Variants in IFT122 observed in about 807,000 individuals in gnomAD.
IFT122 encodes the protein intraflagellar transport protein 122 homolog.
Under a neutral mutation model 161.6 loss-of-function variants are expected in IFT122, and 118 were observed. The observed-to-expected ratio is 0.73, with a 90% CI of 0.63 to 0.85. The LOEUF (loss-of-function observed/expected upper bound fraction) is 0.85, where lower values mean the gene tolerates loss of function less well. Among genes scored for constraint, IFT122 ranks in the 40% least tolerant of loss-of-function variants. The pLI is 0.00. For synonymous variants in IFT122, 550 were observed against 602.4 expected (o/e 0.91, Z 1.27); for missense variants, 1,381 against 1,579.6 (o/e 0.87, Z 2.13).
chr3:129,497,596 G>A (rs2081029678), intron 18 of IFT122, among the ~76,000 whole-genome samples: 1 of 152,108 alleles, frequency 6.6e-6, no homozygotes, highest in African/African-American at 2.4e-5. Context: ...GACTTCGTGT[G>A]CCCACAGCCT....
In IFT122 at chr3:129,482,439, A is replaced by C. The variant is rs551420020; in HGVS notation, c.1653+745A>C. Among the ~76,000 whole-genome samples the C allele has an allele frequency of 2.0e-5, 3 of 152,184 alleles. No individual in the cohort carries two copies. In the South Asian group the frequency reaches 6.2e-4, roughly 32 times the overall value. On this transcript the variant is annotated intron_variant, in intron 14 of 29. Transcript: ENST00000348417. ...CCCCCCAAAGCTGGAGCCCCTCCTG[A>C]CTGGTTTCCTCGGCCACTGCAGGGT... is the stretch of plus-strand genomic sequence containing the variant.
intron 8 of IFT122, among the ~76,000 whole-genome samples, chr3:129,467,372 G>A (rs993973264): frequency 3.3e-5 from 5 of 152,116 alleles, no homozygotes; most frequent in African/African-American, 1.2e-4. Context: ...GTCTTTTCGT[G>A]TGTTCATATA....
intron 19 of IFT122, 90 bp downstream of exon 19, chr3:129,500,158 T>A (rs1265340985): frequency 6.9e-7 from 1 of 1,441,018 alleles, no homozygotes; most frequent in East Asian, 2.3e-5. Context: ...AGTGCTTTTC[T>A]AATTATCTAA....
At chr3:129,502,671 A>AC in intron 19 of IFT122, 40 bp from the exon 20 acceptor site, 1 of 1,600,440 alleles carries the variant, frequency 6.2e-7, no homozygotes, top group Non-Finnish European at 8.5e-7. Flanking sequence ...CGTTGACAAG[A>AC]CCCAGAGCCC....
chr3:129,483,772 T>C (rs2078946259), intron 15 of IFT122, 90 bp downstream of exon 15: 2 of 1,258,640 alleles, frequency 1.6e-6, no homozygotes, highest in Non-Finnish European at 2.3e-6. Flanking sequence ...GGGGAGAGAG[T>C]AGCAAGGAGA....
At chr3:129,489,313 G>A (rs1462839259) in intron 16 of IFT122, among the ~76,000 whole-genome samples, 1 of 152,192 alleles carries the variant, frequency 6.6e-6, no homozygotes, top group Non-Finnish European at 1.5e-5. Context: ...CCTCAGGCCA[G>A]CCACTTTCCT....
intron 1 of IFT122, among the ~76,000 whole-genome samples, chr3:129,446,973 C>G (rs902538516): frequency 1.3e-5 from 2 of 152,164 alleles, no homozygotes; most frequent in African/African-American, 4.8e-5. Flanking sequence ...CTATAGTCAC[C>G]TGAACCAATG....
Position 129,466,987 on chromosome 3 carries a change from G to A in IFT122, c.661G>A (p.Ala221Thr). The stretch of plus-strand genomic sequence containing the variant: ...GGAAATCCCTTCCACTCTGAAGTCA[G>A]CAGTGTACAGTAGTCAGGGTAGTGA... ...IQEIPSTLKS[A>T]VYSSQGSEAE... The change falls in exon 8 of 30, where the codon GCA (alanine) becomes ACA (threonine). Residue 221 changes from alanine to threonine, a missense_variant. Ala to Thr is a moderately conservative substitution (Grantham distance 58). This residue lies in a region of IFT122 where 544 missense variants were observed against 648.0 expected (regional missense o/e 0.84). Coordinates refer to ENST00000348417, the MANE Select transcript of IFT122 (RefSeq NM_052989.3). The A allele has an allele frequency of 6.2e-7, 1 of 1,614,176 alleles. No homozygotes were observed. Among genetic ancestry groups the A allele is most frequent in the Non-Finnish European group, 8.5e-7 (1 of 1,179,980 alleles).
intron 16 of IFT122, among the ~76,000 whole-genome samples, chr3:129,490,232 A>C (rs2079899987): frequency 6.6e-6 from 1 of 152,178 alleles, no homozygotes; most frequent in African/African-American, 2.4e-5. Context: ...TGTTTTGAAA[A>C]AGCCACATGA....
At chr3:129,508,429 C>T (rs749394736) in intron 23 of IFT122, among the ~76,000 whole-genome samples, 1 of 152,194 alleles carries the variant, frequency 6.6e-6, no homozygotes, top group Non-Finnish European at 1.5e-5. Context: ...AAGTCATTTC[C>T]TCCTTTCAAC....
chr3:129,456,013 T>G lies in IFT122; in HGVS notation c.194-2586T>G, dbSNP rs561204396. 1.7e-3 allele frequency: 708 copies of G among 405,458 alleles called. 7 individuals are homozygous for G. Among genetic ancestry groups the G allele is most frequent in the Middle Eastern group, 5.3e-3 (7 of 1,320 alleles). 25.1% of individuals were successfully genotyped at this position (405,458 alleles called of 1,614,324 possible). A position where few individuals can be genotyped will look rare whatever the true frequency, so the allele number is the denominator to read the frequency against. The stretch of plus-strand genomic sequence containing the variant: ...TGGACTCATGTAGTTAAAACTCATG[T>G]TGTTCAGGGGTCAACTGTATGTACA... On this transcript the variant is annotated intron_variant, in intron 3 of 29. Coordinates refer to ENST00000348417, the MANE Select transcript of IFT122 (RefSeq NM_052989.3).
chr3:129,458,428 T>G (rs897938113), intron 3 of IFT122, among the ~76,000 whole-genome samples, 171 bp from the exon 4 acceptor site: 2 of 152,176 alleles, frequency 1.3e-5, no homozygotes, highest in Admixed American at 1.3e-4. Flanking sequence ...CAAAGCAGGT[T>G]TGGAACCCAA....
At chr3:129,453,902 C>G (rs552430033) in intron 3 of IFT122, among the ~76,000 whole-genome samples, 79 of 152,264 alleles carry the variant, frequency 5.2e-4, no homozygotes, top group African/African-American at 1.9e-3. Flanking sequence ...CAACCCAACA[C>G]CAGAGTTCTG....
chr3:129,502,291 T>A (rs943728925), intron 19 of IFT122, among the ~76,000 whole-genome samples: 1 of 152,162 alleles, frequency 6.6e-6, no homozygotes, highest in Non-Finnish European at 1.5e-5. Flanking sequence ...CTGGGCCCAG[T>A]CTTGGGCTGG....
chr3:129,460,691 G>A (rs1381584143), intron 4 of IFT122, among the ~76,000 whole-genome samples: 1 of 152,128 alleles, frequency 6.6e-6, no homozygotes, highest in Non-Finnish European at 1.5e-5. Context: ...CTATGAACAT[G>A]GGTGTACAAA....
intron 9 of IFT122, among the ~76,000 whole-genome samples, chr3:129,470,143 A>G (rs1018904646): frequency 6.6e-6 from 1 of 152,216 alleles, no homozygotes; most frequent in African/African-American, 2.4e-5. Context: ...ATGAAAATAT[A>G]TGACAGTTCA....
intron 1 of IFT122, among the ~76,000 whole-genome samples, chr3:129,447,062 C>G (rs910134835): frequency 6.6e-6 from 1 of 152,314 alleles, no homozygotes; most frequent in African/African-American, 2.4e-5. Flanking sequence ...TCTCCATGTT[C>G]TAGCAACATC....
rs150862636 is a variant in IFT122, at chr3:129,509,479, G to T, written c.2886+1717G>T. On this transcript the variant is annotated intron_variant, in intron 23 of 29. Coordinates refer to ENST00000348417, the MANE Select transcript of IFT122 (RefSeq NM_052989.3). ...ACTGTATGTTTGTTAGCAGTTCCTG[G>T]GCCAAATGCGTTGTCGATGTTACGA... Among the ~76,000 whole-genome samples the T allele has an allele frequency of 6.4e-4, 98 of 152,144 alleles. 1 individual carries two copies. Among genetic ancestry groups the T allele is most frequent in the African/African-American group, 2.4e-3 (98 of 41,496 alleles).
intron 5 of IFT122, chr3:129,461,597 A>G (rs563965454): frequency 2.7e-5 from 12 of 452,528 alleles, no homozygotes; most frequent in Middle Eastern, 6.7e-4. Flanking sequence ...GCCTTTGGGA[A>G]GCCTTCCCTT....
Sources: gnomAD v4.1 joint callset for allele counts (sites outside exome capture counted in the v4.1 genomes callset) on GRCh38, gnomAD v4.1.1 for gene constraint, gnomAD v4.1.1 regional missense constraint, MANE v1.5 for transcripts, NCBI Gene and HGNC (gene_info 2026-07-23, HGNC 2026-07-21) for gene names.